The following NTM variants were observed in gnomAD, a reference collection of about 807,000 sequenced individuals.
The protein encoded by NTM is neurotrimin.
Under a neutral mutation model 42.1 loss-of-function variants are expected in NTM, and 13 were observed. The ratio of observed to expected loss-of-function variants is 0.31; its 90% CI spans 0.20 to 0.49. The LOEUF (loss-of-function observed/expected upper bound fraction) is 0.49. Among genes scored for constraint, NTM ranks in the 20% least tolerant of loss-of-function variants. The pLI is 0.99. For missense variants in NTM, 373 were observed against 452.8 expected, an observed-to-expected ratio of 0.82 and a Z score of 1.60; for synonymous variants, 187 against 179.2, an observed-to-expected ratio of 1.04 and a Z score of -0.35.
chr11:131,762,907 T>G (rs1323806426), intron 1 of NTM, among the ~76,000 whole-genome samples: 3 of 152,238 alleles, frequency 2.0e-5, no homozygotes, highest in Non-Finnish European at 4.4e-5. Context: ...TTGTCACCGC[T>G]GAGCGATGCC....
intron 1 of NTM, among the ~76,000 whole-genome samples, chr11:131,809,384 A>G (rs2092645930): frequency 6.6e-6 from 1 of 152,168 alleles, no homozygotes; most frequent in Non-Finnish European, 1.5e-5. Context: ...GCTGCTCTGC[A>G]TCTAGACTTC....
At chr11:132,288,148 G>A (rs1162123956) in intron 4 of NTM, among the ~76,000 whole-genome samples, 3 of 152,208 alleles carry the variant, frequency 2.0e-5, no homozygotes, top group Non-Finnish European at 4.4e-5. Context: ...CAGCATGGAT[G>A]GGGGAATAGC....
intron 1 of NTM, among the ~76,000 whole-genome samples, chr11:131,385,659 C>A (rs1943226220): frequency 6.6e-6 from 1 of 152,052 alleles, no homozygotes; most frequent in Non-Finnish European, 1.5e-5. Context: ...TCATGACCAG[C>A]CTGGGCAATA....
At chr11:131,640,461 C>G (rs556126750) in intron 1 of NTM, among the ~76,000 whole-genome samples, 1 of 152,122 alleles carries the variant, frequency 6.6e-6, no homozygotes, top group East Asian at 1.9e-4. Context: ...TCTCATCAGC[C>G]GTATTTTGGT....
intron 1 of NTM, among the ~76,000 whole-genome samples, chr11:131,575,993 C>CTGT (rs1257257795): frequency 6.6e-6 from 1 of 152,168 alleles, no homozygotes; most frequent in Non-Finnish European, 1.5e-5. Context: ...CTATTCAGGA[C>CTGT]TGTTATCTTC....
intron 6 of NTM, 48 bp downstream of exon 6, chr11:132,310,280 G>A (rs1402108811): frequency 2.6e-6 from 4 of 1,515,020 alleles, no homozygotes; most frequent in Non-Finnish European, 2.6e-6. Flanking sequence ...ATCTCCAGGA[G>A]AAACTTTTCC....
chr11:132,090,334 A>G (rs1420777653), intron 2 of NTM, among the ~76,000 whole-genome samples: 8 of 152,118 alleles, frequency 5.3e-5, no homozygotes, highest in Admixed American at 4.6e-4. Context: ...TAGGCCCACG[A>G]AAAAGCTGGG....
intron 2 of NTM, among the ~76,000 whole-genome samples, chr11:131,995,987 C>T (rs550033858): frequency 6.6e-6 from 1 of 152,170 alleles, no homozygotes; most frequent in South Asian, 2.1e-4. Context: ...GGGTCAGTTT[C>T]CTGAGAAAGG....
intron 1 of NTM, among the ~76,000 whole-genome samples, chr11:131,528,636 A>C (rs1279390503): frequency 6.6e-6 from 1 of 152,196 alleles, no homozygotes. Context: ...TTCTGCTGCT[A>C]ACTGGAGTAA....
intron 2 of NTM, among the ~76,000 whole-genome samples, chr11:132,006,993 C>G (rs932959405): frequency 2.0e-5 from 3 of 152,146 alleles, no homozygotes; most frequent in Admixed American, 1.3e-4. Flanking sequence ...ACTTCCAGTG[C>G]GAGACCCTCC....
chr11:131,374,851 G>C (rs375692102), intron 1 of NTM, among the ~76,000 whole-genome samples: 67 of 152,306 alleles, frequency 4.4e-4, no homozygotes, highest in African/African-American at 1.5e-3. Context: ...ATGCTGGAGA[G>C]ATTTGTAATG....
At chr11:132,181,710 A>C (rs2077598937) in intron 3 of NTM, among the ~76,000 whole-genome samples, 1 of 152,202 alleles carries the variant, frequency 6.6e-6, no homozygotes, top group African/African-American at 2.4e-5. Context: ...TGATGTTGGC[A>C]CTATTGAAAC....
chr11:131,666,394 C>G (rs199989530), intron 1 of NTM, among the ~76,000 whole-genome samples: 1 of 152,174 alleles, frequency 6.6e-6, no homozygotes, highest in East Asian at 1.9e-4. Flanking sequence ...CTCATGGATT[C>G]ACTTCTAATG....
chr11:131,899,996 G>C (rs2052898382), intron 1 of NTM, among the ~76,000 whole-genome samples: 1 of 152,180 alleles, frequency 6.6e-6, no homozygotes, highest in Non-Finnish European at 1.5e-5. Context: ...TATGTTCCAG[G>C]CATTGTGTTA....
chr11:131,471,347 A>G (rs1952423629), intron 1 of NTM, among the ~76,000 whole-genome samples: 1 of 152,200 alleles, frequency 6.6e-6, no homozygotes, highest in South Asian at 2.1e-4. Flanking sequence ...TCTGTCAGGC[A>G]CTGTCCTAGG....
At chr11:131,416,416 T>C (rs1049078130) in intron 1 of NTM, among the ~76,000 whole-genome samples, 1 of 152,218 alleles carries the variant, frequency 6.6e-6, no homozygotes, top group Non-Finnish European at 1.5e-5. Context: ...TAAGAAGCCA[T>C]GAAAATCTTT....
intron 4 of NTM, among the ~76,000 whole-genome samples, chr11:132,305,909 C>T (rs1002118887): frequency 1.3e-5 from 2 of 152,168 alleles, no homozygotes; most frequent in African/African-American, 4.8e-5. Flanking sequence ...GAAGAGGTTC[C>T]TTCTTTGTCT....
intron 4 of NTM, among the ~76,000 whole-genome samples, chr11:132,222,470 T>C (rs1230159846): frequency 6.6e-6 from 1 of 152,202 alleles, no homozygotes; most frequent in Non-Finnish European, 1.5e-5. Context: ...CTGAGTCTGT[T>C]CAGTTTCCCC....
At chr11:132,023,771 TTTG>T (rs1023331459) in intron 2 of NTM, among the ~76,000 whole-genome samples, 4 of 96,780 alleles carry the variant, frequency 4.1e-5, no homozygotes, top group South Asian at 3.4e-4. Flanking sequence ...TGGTGGTGGT[TTTG>T]TTGTTGTTGG....
Sources: allele counts gnomAD v4.1 joint callset (sites outside exome capture counted in the v4.1 genomes callset), GRCh38; gene constraint gnomAD v4.1.1; transcripts MANE v1.5; gene names NCBI Gene and HGNC (gene_info 2026-07-23, HGNC 2026-07-21).